The following EZH2 variants were observed in gnomAD, a reference collection of about 807,000 sequenced individuals.
EZH2 encodes the protein histone-lysine N-methyltransferase EZH2.
In EZH2, 18 loss-of-function variants were observed where a neutral mutation model predicts 98.4. The observed-to-expected ratio is 0.18, with a 90% CI of 0.13 to 0.27. The LOEUF (loss-of-function observed/expected upper bound fraction) is 0.27, where lower values mean the gene tolerates loss of function less well. EZH2 is among the 10% of genes least tolerant of loss of function. The pLI is 1.00. For synonymous variants in EZH2, 338 were observed against 312.3 expected (o/e 1.08, Z -0.87); for missense variants, 470 against 935.1 (o/e 0.50, Z 6.49).
At chr7:148,834,570 G>T (rs1585063615) in intron 3 of EZH2, among the ~76,000 whole-genome samples, 2 of 152,214 alleles carry the variant, frequency 1.3e-5, no homozygotes, top group Middle Eastern at 3.4e-3. Context: ...TTCCTTAGTG[G>T]AAGTAAAGGT....
chr7:148,874,277 A>C (rs1819869649), intron 1 of EZH2, among the ~76,000 whole-genome samples: 1 of 152,166 alleles, frequency 6.6e-6, no homozygotes, highest in Non-Finnish European at 1.5e-5. Context: ...GGTCCCAGCT[A>C]CTCAGGAGAC....
At chr7:148,813,132 C>T (rs78892804) in intron 15 of EZH2, among the ~76,000 whole-genome samples, 546 of 152,150 alleles carry the variant, frequency 3.6e-3, no homozygotes, top group African/African-American at 0.012. Flanking sequence ...TGATCTCCTG[C>T]TCCTTTACAA....
At chr7:148,855,823 A>G (rs1362402143) in intron 1 of EZH2, among the ~76,000 whole-genome samples, 3 of 142,390 alleles carry the variant, frequency 2.1e-5, no homozygotes, top group Non-Finnish European at 4.5e-5. Context: ...GCTTGAACCT[A>G]GGAGGCGGAG....
At chr7:148,854,072 G>C (rs1489127180) in intron 1 of EZH2, among the ~76,000 whole-genome samples, 1 of 152,170 alleles carries the variant, frequency 6.6e-6, no homozygotes, top group Non-Finnish European at 1.5e-5. Flanking sequence ...AGACATTCCT[G>C]TCCCTCTTTA....
At chr7:148,833,462 AAAAAAAAAT>A (rs1292716510) in intron 3 of EZH2, among the ~76,000 whole-genome samples, 27 of 21,112 alleles carry the variant, frequency 1.3e-3, no homozygotes, top group South Asian at 8.6e-3. Flanking sequence ...GTCTCAAAAA[AAAAAAAAAT>A]AAAATAAAAT....
At chr7:148,860,828 T>C (rs1817564070) in intron 1 of EZH2, among the ~76,000 whole-genome samples, 1 of 152,130 alleles carries the variant, frequency 6.6e-6, no homozygotes, top group South Asian at 2.1e-4. Flanking sequence ...CACACTACCA[T>C]GTCTGGCTAT....
chr7:148,864,236 C>T (rs940925520), intron 1 of EZH2, among the ~76,000 whole-genome samples: 1 of 152,178 alleles, frequency 6.6e-6, no homozygotes, highest in African/African-American at 2.4e-5. Context: ...AGTCCATAGA[C>T]CAGCATTCTG....
At chr7:148,820,156 A>G (rs1805591056) in intron 8 of EZH2, among the ~76,000 whole-genome samples, 1 of 152,220 alleles carries the variant, frequency 6.6e-6, no homozygotes, top group Non-Finnish European at 1.5e-5. Context: ...GGACAGCCCC[A>G]GATTACTAAC....
chr7:148,846,572 T>C lies in EZH2; in HGVS notation c.144A>G (p.Lys48=), dbSNP rs773776228. Residue 48 remains lysine (K), a synonymous_variant, in exon 3 of 20, where the codon AAA becomes AAG. Coordinates refer to ENST00000320356, the MANE Select transcript of EZH2 (RefSeq NM_004456.5). The part of the protein sequence containing the change: ...VKSMFSSNRQ[K]ILERTEILNQ... ...TTAAGATTTCCGTTCTTTCCAAAAT[T>C]TTCTGACGATTGGAACTAAACATAC... The C allele has an allele frequency of 1.2e-6, 2 of 1,610,886 alleles. No individual in the cohort carries two copies. The highest frequency in any genetic ancestry group is 2.2e-5 in the East Asian group (1 of 44,776).
At chr7:148,877,187 A>T (rs2129494315) in intron 1 of EZH2, among the ~76,000 whole-genome samples, 1 of 152,350 alleles carries the variant, frequency 6.6e-6, no homozygotes, top group East Asian at 1.9e-4. Flanking sequence ...ATATTTGAAA[A>T]TTTGGGGAAG....
chr7:148,807,763 G>GACTTA (rs2129465595), intron 19 of EZH2, 57 bp from the exon 20 acceptor site: 3 of 1,018,218 alleles, frequency 2.9e-6, no homozygotes, highest in South Asian at 2.8e-5. Flanking sequence ...CATGTGCTGA[G>GACTTA]ACTTAACACA....
In EZH2 at chr7:148,847,267, C is replaced by T. The variant is rs1400051032; in HGVS notation, c.32G>A (p.Gly11Glu). 2 of 1,613,922 alleles carry T rather than the reference C, an allele frequency of 1.2e-6. No homozygotes were observed. Among genetic ancestry groups the T allele is most frequent in the Non-Finnish European group, 8.5e-7 (1 of 1,179,924 alleles). Residue 11 changes from glycine to glutamate, a missense_variant, in exon 2 of 20, where the codon GGA becomes GAA. Physicochemically the swap from Gly to Glu is moderately conservative, Grantham distance 98. Coordinates refer to ENST00000320356, the MANE Select transcript of EZH2 (RefSeq NM_004456.5). ...TACACGCTTCCGCCAACAAACTGGT[C>T]CCTTCTCAGATTTCTTCCCAGTCTG... MGQTGKKSEK[G>E]PVCWRKRVKS...
chr7:148,860,124 T>A (rs932363206), intron 1 of EZH2, among the ~76,000 whole-genome samples: 2 of 152,222 alleles, frequency 1.3e-5, no homozygotes, highest in African/African-American at 4.8e-5. Flanking sequence ...AATTTGATGG[T>A]CTATATTTAA....
At chr7:148,862,920 T>G (rs1053068181) in intron 1 of EZH2, among the ~76,000 whole-genome samples, 2 of 145,296 alleles carry the variant, frequency 1.4e-5, no homozygotes, top group Admixed American at 1.4e-4. Flanking sequence ...TTTGTTTTGT[T>G]TTGTTTTTTT....
At chr7:148,809,023 C>T in intron 19 of EZH2, 48 bp downstream of exon 19, 3 of 1,474,778 alleles carry the variant, frequency 2.0e-6, no homozygotes, top group Non-Finnish European at 1.9e-6. Context: ...GTTCACAATC[C>T]AGTAGAAAAA....
At position 148,871,577 on chromosome 7, in the gene EZH2, C is replaced by CTTTTTTTTTTTTTTTT. The variant is rs376098406; in HGVS notation, c.-8+12586_-8+12587insAAAAAAAAAAAAAAAA. Among the ~76,000 whole-genome samples the CTTTTTTTTTTTTTTTT allele has an allele frequency of 1.0e-3, 140 of 135,212 alleles. 3 individuals carry two copies. Among genetic ancestry groups the CTTTTTTTTTTTTTTTT allele is most frequent in the African/African-American group, 3.6e-3 (131 of 35,934 alleles). 88.7% of individuals were successfully genotyped at this position (135,212 alleles called of 152,430 possible). On this transcript the variant is annotated intron_variant, in intron 1 of 19. Transcript: ENST00000320356. ...TCACATCCCACAAATAGTGTATTTT[C>CTTTTTTTTTTTTTTTT]TTTTTTTTTTTTTTTGAGCAGGGTC...
At position 148,826,469 on chromosome 7, in the gene EZH2, G is replaced by A. The variant is rs2129475479; in HGVS notation, c.892C>T (p.Arg298Cys). ...GAAAACGTACAATAATTGCACTTAC[G>A]ATGTAGGAAGCAGTCATATTTAAAA... ...RCFKYDCFLH[R>C]KCNYSFHATP... The change falls in exon 8 of 20, where the codon CGT becomes TGT. Residue 298 changes from arginine to cysteine, a missense_variant. Arg to Cys is a radical substitution (Grantham distance 180). Transcript: ENST00000320356. 1.3e-6 allele frequency: 2 copies of A among 1,576,672 alleles called. No homozygotes were observed. Among genetic ancestry groups the A allele is most frequent in the Non-Finnish European group, 8.6e-7 (1 of 1,160,096 alleles).
At chr7:148,822,965 A>C (rs1053441647) in intron 8 of EZH2, among the ~76,000 whole-genome samples, 5 of 152,146 alleles carry the variant, frequency 3.3e-5, no homozygotes, top group Non-Finnish European at 7.4e-5. Context: ...ACAAAGAATA[A>C]AAATAGTTCA....
At chr7:148,873,156 C>T (rs1284574230) in intron 1 of EZH2, among the ~76,000 whole-genome samples, 1 of 151,802 alleles carries the variant, frequency 6.6e-6, no homozygotes, top group East Asian at 1.9e-4. Flanking sequence ...ATACTCCAGC[C>T]TGGGCAACAG....
Sources: gnomAD v4.1 joint callset for allele counts (sites outside exome capture counted in the v4.1 genomes callset) on GRCh38, gnomAD v4.1.1 for gene constraint, MANE v1.5 for transcripts, NCBI Gene and HGNC (gene_info 2026-07-23, HGNC 2026-07-21) for gene names.